SSBP2: variants seen among roughly 807,000 people sequenced by gnomAD.
SSBP2 encodes single-stranded DNA-binding protein 2.
A neutral mutation model predicts 61.8 loss-of-function variants in SSBP2; 17 were observed. The observed-to-expected ratio is 0.28, with a 90% CI of 0.19 to 0.41. The LOEUF (loss-of-function observed/expected upper bound fraction) is 0.41, where lower values mean the gene tolerates loss of function less well. SSBP2 is among the 10% of genes least tolerant of loss of function. SSBP2 has a pLI of 1.00. For missense variants in SSBP2, 310 were observed against 458.7 expected, an observed-to-expected ratio of 0.68 and a Z score of 2.96; for synonymous variants, 139 against 141.3, an observed-to-expected ratio of 0.98 and a Z score of 0.12.
intron 4 of SSBP2, among the ~76,000 whole-genome samples, chr5:81,609,540 T>G (rs1745237328): frequency 1.3e-5 from 2 of 152,194 alleles, no homozygotes; most frequent in Admixed American, 1.3e-4. Flanking sequence ...CTCCCATAGC[T>G]TCAATCCAAG....
chr5:81,526,565 G>A (rs1372215425), intron 4 of SSBP2, among the ~76,000 whole-genome samples: 1 of 151,852 alleles, frequency 6.6e-6, no homozygotes. Context: ...TATGACAGTT[G>A]TTCACATAAA....
intron 4 of SSBP2, among the ~76,000 whole-genome samples, chr5:81,587,763 GCACACA>G (rs60642395): frequency 3.4e-5 from 5 of 148,928 alleles, no homozygotes; most frequent in Non-Finnish European, 5.9e-5. Context: ...ACACGCGCGC[GCACACA>G]CACACACACA....
At chr5:81,742,803 G>T (rs975569824) in intron 1 of SSBP2, among the ~76,000 whole-genome samples, 1 of 152,108 alleles carries the variant, frequency 6.6e-6, no homozygotes, top group African/African-American at 2.4e-5. Flanking sequence ...TTGAACCTGG[G>T]GGGTGTGTGG....
chr5:81,634,937 C>T (rs1168133105), intron 3 of SSBP2, among the ~76,000 whole-genome samples: 1 of 152,246 alleles, frequency 6.6e-6, no homozygotes, highest in African/African-American at 2.4e-5. Context: ...ATACGTCTCT[C>T]TCACTGCTTA....
intron 5 of SSBP2, among the ~76,000 whole-genome samples, chr5:81,509,537 C>T (rs1004208218): frequency 7.9e-5 from 12 of 152,282 alleles, no homozygotes; most frequent in African/African-American, 2.9e-4. Flanking sequence ...TTAGGACACA[C>T]TTGAGTCATT....
rs369367398 is a variant in SSBP2 at position 81,601,222 on chromosome 5, C to T, written c.282+14251G>A. Among the ~76,000 whole-genome samples, 9 of 152,252 alleles carry T rather than the reference C, an allele frequency of 5.9e-5. No homozygotes were observed. The East Asian group carries it at 1.2e-3, about 20-fold the overall frequency. On this transcript the variant is annotated intron_variant, in intron 4 of 16. Coordinates refer to ENST00000320672, the MANE Select transcript of SSBP2 (RefSeq NM_012446.5). ...TTTAATAACACATTCCTGTATATAA[C>T]ATACATTCCATTTTTTCTACGTGTA... is the stretch of plus-strand genomic sequence containing the variant.
Position 81,417,629 on chromosome 5 carries a change from A to G in SSBP2, c.*2875T>C, listed in dbSNP as rs750156770. On this transcript the variant is annotated 3_prime_UTR_variant, in exon 17 of 17. Coordinates refer to ENST00000320672, the MANE Select transcript of SSBP2 (RefSeq NM_012446.5). ...AACATTAAATAGTCTTATTACAAGAAAAAAGGATAAGGGTTAAATGATTCA... is the reference window on the plus strand; with the variant it reads ...AACATTAAATAGTCTTATTACAAGAGAAAAGGATAAGGGTTAAATGATTCA... The G allele has an allele frequency of 1.3e-5, 2 of 152,212 alleles. No individual in the cohort carries two copies. Among genetic ancestry groups the G allele is most frequent in the Non-Finnish European group, 2.9e-5 (2 of 68,022 alleles). 9.4% of individuals were successfully genotyped at this position (152,212 alleles called of 1,614,324 possible). A position where few individuals can be genotyped will look rare whatever the true frequency, so the allele number is the denominator to read the frequency against.
At chr5:81,703,608 A>G (rs1754153539) in intron 1 of SSBP2, among the ~76,000 whole-genome samples, 1 of 152,184 alleles carries the variant, frequency 6.6e-6, no homozygotes. Flanking sequence ...CAAAACAATT[A>G]TTTTTTAAAT....
At chr5:81,597,226 C>A (rs189431623) in intron 4 of SSBP2, among the ~76,000 whole-genome samples, 4 of 152,038 alleles carry the variant, frequency 2.6e-5, no homozygotes, top group East Asian at 1.9e-4. Flanking sequence ...TCACAAAAGA[C>A]GACATTTATG....
rs1162124410 is a variant in SSBP2, at chr5:81,418,986, TCACAATTTTAA to T, written c.*1507_*1517del. 2.6e-5 allele frequency: 4 copies of T among 152,220 alleles called. No homozygotes were observed. The highest frequency in any genetic ancestry group is 5.9e-5 in the Non-Finnish European group (4 of 68,032). The allele number at this position is 152,220 out of a possible 1,614,324, so 9.4% of individuals were successfully genotyped here. ...TGGTATTTATCAATGGTTGTTTGTA[TCACAATTTTAA>T]CACAAAGGATCACCCAGTTATCTTT... is the stretch of plus-strand genomic sequence containing the variant. On this transcript the variant is annotated 3_prime_UTR_variant, in exon 17 of 17. Transcript: ENST00000320672.
At chr5:81,499,371 T>C (rs1357922340) in intron 5 of SSBP2, among the ~76,000 whole-genome samples, 2 of 152,210 alleles carry the variant, frequency 1.3e-5, no homozygotes, top group Non-Finnish European at 2.9e-5. Flanking sequence ...GCTGATATTA[T>C]GAGCTTTTTC....
intron 1 of SSBP2, among the ~76,000 whole-genome samples, chr5:81,730,476 C>T (rs1756190445): frequency 6.6e-6 from 1 of 152,166 alleles, no homozygotes; most frequent in East Asian, 1.9e-4. Flanking sequence ...CCACCTGCCT[C>T]GGCCTCCCAA....
chr5:81,704,903 T>C (rs1040709441), intron 1 of SSBP2, among the ~76,000 whole-genome samples: 6 of 151,936 alleles, frequency 3.9e-5, no homozygotes, highest in Admixed American at 3.9e-4. Flanking sequence ...ACTCAGAATA[T>C]TTAACGTGTT....
chr5:81,532,116 C>T (rs1770459308), intron 4 of SSBP2, among the ~76,000 whole-genome samples: 1 of 151,902 alleles, frequency 6.6e-6, no homozygotes, highest in Admixed American at 6.6e-5. Flanking sequence ...AAGGCATATA[C>T]AGAGCCAAGT....
chr5:81,750,287 G>T (rs1301415237), intron 1 of SSBP2, among the ~76,000 whole-genome samples: 1 of 144,410 alleles, frequency 6.9e-6, no homozygotes, highest in Non-Finnish European at 1.5e-5. Flanking sequence ...ATGCGCGGGG[G>T]ACTGCGGGCG....
intron 4 of SSBP2, among the ~76,000 whole-genome samples, chr5:81,561,667 A>C (rs1773051076): frequency 6.6e-6 from 1 of 152,114 alleles, no homozygotes; most frequent in Non-Finnish European, 1.5e-5. Flanking sequence ...TATATTACTT[A>C]GAAGAAATCT....
chr5:81,634,577 G>C (rs1189952011), intron 3 of SSBP2, among the ~76,000 whole-genome samples: 1 of 152,156 alleles, frequency 6.6e-6, no homozygotes, highest in Non-Finnish European at 1.5e-5. Context: ...TCTTTGACAA[G>C]ATGTAAATAA....
At chr5:81,743,380 G>A (rs771630625) in intron 1 of SSBP2, among the ~76,000 whole-genome samples, 12 of 151,942 alleles carry the variant, frequency 7.9e-5, no homozygotes, top group Non-Finnish European at 1.5e-4. Context: ...GAACCTTCCC[G>A]ACTACCCAAT....
intron 5 of SSBP2, among the ~76,000 whole-genome samples, chr5:81,494,520 C>G (rs1392987749): frequency 6.6e-6 from 1 of 152,080 alleles, no homozygotes; most frequent in Non-Finnish European, 1.5e-5. Context: ...GGGATTAGTA[C>G]GCCTATAAAA....
Sources: allele counts gnomAD v4.1 joint callset (sites outside exome capture counted in the v4.1 genomes callset), GRCh38; gene constraint gnomAD v4.1.1; transcripts MANE v1.5; gene names NCBI Gene and HGNC (gene_info 2026-07-23, HGNC 2026-07-21).